Variants in CSMD1 observed in about 807,000 individuals in gnomAD.
The protein encoded by CSMD1 is CUB and sushi domain-containing protein 1.
CSMD1 carries 213 observed loss-of-function variants against 417.5 expected under a neutral mutation model. That is an observed-to-expected ratio of 0.51 (90% confidence interval 0.46 to 0.57). CSMD1 has a LOEUF of 0.57. Among genes scored for constraint, CSMD1 ranks in the 20% least tolerant of loss-of-function variants. CSMD1 has a pLI of 0.00. For synonymous variants in CSMD1, 2,862 were observed against 1,736.8 expected (o/e 1.65, Z -16.11); for missense variants, 6,923 against 4,529.7 (o/e 1.53, Z -15.17).
intron 1 of CSMD1, among the ~76,000 whole-genome samples, chr8:4,798,101 A>T (rs912228527): frequency 3.3e-5 from 5 of 152,206 alleles, no homozygotes; most frequent in Non-Finnish European, 7.3e-5. Context: ...CCATGTTGGC[A>T]TGCTGTACCC....
At chr8:3,486,202 G>C (rs970209957) in intron 11 of CSMD1, among the ~76,000 whole-genome samples, 1 of 152,120 alleles carries the variant, frequency 6.6e-6, no homozygotes, top group Non-Finnish European at 1.5e-5. Context: ...ATTATATTAA[G>C]ACAGCGATGA....
intron 5 of CSMD1, among the ~76,000 whole-genome samples, chr8:3,935,134 GAAGT>G (rs1440404064): frequency 2.0e-5 from 3 of 152,080 alleles, no homozygotes; most frequent in Non-Finnish European, 4.4e-5. Flanking sequence ...CTGTATGTCA[GAAGT>G]AAGATTTTTA....
intron 5 of CSMD1, among the ~76,000 whole-genome samples, chr8:3,927,726 G>GA (rs1319684082): frequency 4.0e-5 from 6 of 151,590 alleles, no homozygotes; most frequent in South Asian, 2.1e-4. Context: ...TTGTTAAGCA[G>GA]AAAAAAAAGA....
intron 1 of CSMD1, among the ~76,000 whole-genome samples, chr8:4,909,675 G>A (rs536430293): frequency 3.7e-4 from 57 of 152,158 alleles, no homozygotes; most frequent in East Asian, 2.5e-3. Flanking sequence ...GCACACCCCC[G>A]GATTTTCTCC....
chr8:3,663,127 C>T (rs1357547578), intron 7 of CSMD1, among the ~76,000 whole-genome samples: 2 of 152,114 alleles, frequency 1.3e-5, no homozygotes, highest in Admixed American at 1.3e-4. Context: ...CAGTGGGGGC[C>T]TCAGGAGAGG....
rs565869593 is a variant in CSMD1, at chr8:3,905,472, G to A, written c.818+92431C>T. Among the ~76,000 whole-genome samples, 10 of 152,310 alleles carry A rather than the reference G, an allele frequency of 6.6e-5. 1 individual carries two copies. The highest frequency in any genetic ancestry group is 4.1e-4 in the South Asian group (2 of 4,826). ...GACCCCCCAACACGGGTCCAATGAC[G>A]GTGACTTTCCTACGTGTGAAAGATC... On this transcript the variant is annotated intron_variant, in intron 5 of 69. Transcript: ENST00000635120.
At chr8:4,786,695 T>C (rs2117213190) in intron 1 of CSMD1, among the ~76,000 whole-genome samples, 1 of 152,364 alleles carries the variant, frequency 6.6e-6, no homozygotes, top group East Asian at 1.9e-4. Flanking sequence ...TCTGGTTTTC[T>C]TCAACATGCA....
At chr8:4,913,700 C>T (rs919349549) in intron 1 of CSMD1, among the ~76,000 whole-genome samples, 4 of 152,162 alleles carry the variant, frequency 2.6e-5, no homozygotes, top group African/African-American at 7.2e-5. Context: ...TTCCTGACTA[C>T]AATTAATCTT....
At chr8:3,483,602 G>C (rs988411123) in intron 11 of CSMD1, among the ~76,000 whole-genome samples, 2 of 151,826 alleles carry the variant, frequency 1.3e-5, no homozygotes, top group East Asian at 1.9e-4. Context: ...TAACAAAAGA[G>C]AAAATATTTT....
chr8:4,266,855 A>G (rs1387338702), intron 3 of CSMD1, among the ~76,000 whole-genome samples: 1 of 105,008 alleles, frequency 9.5e-6, no homozygotes, highest in African/African-American at 2.6e-5. Flanking sequence ...ATATGATTCA[A>G]TATTTGAAAA....
In CSMD1 at chr8:4,318,395, G is replaced by T. The variant is rs138244106; in HGVS notation, c.415+101558C>A. On this transcript the variant is annotated intron_variant, in intron 3 of 69. Transcript: ENST00000635120. ...CACTCTCGTACACATCTCTATTTGC[G>T]CATTTTAGTTTCTGTGTGTGTGAGA... Among the ~76,000 whole-genome samples the T allele has an allele frequency of 3.5e-3, 527 of 151,934 alleles. 7 individuals carry two copies. The highest frequency in any genetic ancestry group is 0.026 in the Admixed American group (394 of 15,258).
intron 26 of CSMD1, among the ~76,000 whole-genome samples, chr8:3,237,523 T>C (rs901938617): frequency 5.0e-4 from 73 of 147,306 alleles, no homozygotes; most frequent in African/African-American, 1.7e-3. Context: ...TTATATTAAA[T>C]ATTATATATT....
intron 5 of CSMD1, among the ~76,000 whole-genome samples, chr8:3,831,654 T>A (rs572931229): frequency 2.0e-5 from 3 of 152,310 alleles, no homozygotes; most frequent in African/African-American, 4.8e-5. Flanking sequence ...AAGGAATCTA[T>A]GACAAATTAA....
intron 47 of CSMD1, among the ~76,000 whole-genome samples, chr8:3,096,133 A>G (rs1006190806): frequency 6.6e-6 from 1 of 152,206 alleles, no homozygotes; most frequent in Non-Finnish European, 1.5e-5. Context: ...TATTGAGATC[A>G]TCTTCTCTAA....
At chr8:3,817,588 A>G (rs924726583) in intron 5 of CSMD1, among the ~76,000 whole-genome samples, 1 of 151,930 alleles carries the variant, frequency 6.6e-6, no homozygotes, top group Non-Finnish European at 1.5e-5. Flanking sequence ...CATCTTCTTT[A>G]TTTAGAGTCA....
chr8:4,284,227 G>C (rs1034671467), intron 3 of CSMD1, among the ~76,000 whole-genome samples: 1 of 152,122 alleles, frequency 6.6e-6, no homozygotes. Flanking sequence ...AATTAGCTGG[G>C]CGTGGTGGCA....
At chr8:3,960,782 A>G (rs1285171616) in intron 5 of CSMD1, among the ~76,000 whole-genome samples, 1 of 151,892 alleles carries the variant, frequency 6.6e-6, no homozygotes, top group African/African-American at 2.4e-5. Flanking sequence ...AAACATATGT[A>G]GAAACTGGAA....
At chr8:4,725,367 A>C (rs1458800939) in intron 1 of CSMD1, among the ~76,000 whole-genome samples, 1 of 152,194 alleles carries the variant, frequency 6.6e-6, no homozygotes, top group Admixed American at 6.5e-5. Context: ...TTAATTACAT[A>C]ATAGTAATGT....
intron 31 of CSMD1, among the ~76,000 whole-genome samples, chr8:3,202,326 A>T (rs1797032775): frequency 6.6e-6 from 1 of 152,242 alleles, no homozygotes; most frequent in African/African-American, 2.4e-5. Flanking sequence ...ATTCACATTA[A>T]TACGTTGCCG....
Sources: gnomAD v4.1 joint callset for allele counts (sites outside exome capture counted in the v4.1 genomes callset) on GRCh38, gnomAD v4.1.1 for gene constraint, MANE v1.5 for transcripts, NCBI Gene and HGNC (gene_info 2026-07-23, HGNC 2026-07-21) for gene names.